The following KCNT2 variants were observed in gnomAD, a reference collection of about 807,000 sequenced individuals.
KCNT2 encodes the protein potassium channel subfamily T member 2.
KCNT2 carries 67 observed loss-of-function variants against 153.8 expected under a neutral mutation model. That is an observed-to-expected ratio of 0.44 (90% CI 0.36 to 0.53). The LOEUF (loss-of-function observed/expected upper bound fraction) is 0.53, where lower values mean the gene tolerates loss of function less well. Ranked by LOEUF, KCNT2 falls within the 20% of genes least tolerant of loss-of-function variation. The pLI is 0.00. For synonymous variants in KCNT2, 500 were observed against 458.8 expected (o/e 1.09, Z -1.15); for missense variants, 975 against 1,354.8 (o/e 0.72, Z 4.40).
At chr1:196,322,652 C>T (rs999334473) in intron 19 of KCNT2, among the ~76,000 whole-genome samples, 1 of 151,828 alleles carries the variant, frequency 6.6e-6, no homozygotes, top group South Asian at 2.1e-4. Context: ...AAAAGGTTTG[C>T]AAATTTGTAT....
At chr1:196,366,100 T>C (rs2148296195) in intron 14 of KCNT2, among the ~76,000 whole-genome samples, 1 of 152,200 alleles carries the variant, frequency 6.6e-6, no homozygotes, top group Admixed American at 6.5e-5. Context: ...TTTACTACCT[T>C]TCTCTTCCTT....
At chr1:196,466,116 A>T (rs973202879) in intron 7 of KCNT2, among the ~76,000 whole-genome samples, 4 of 152,094 alleles carry the variant, frequency 2.6e-5, no homozygotes, top group Non-Finnish European at 4.4e-5. Context: ...TGGAAAATGA[A>T]TCATAAATTA....
chr1:196,250,222 A>G (rs1339140805), intron 26 of KCNT2, among the ~76,000 whole-genome samples: 1 of 152,194 alleles, frequency 6.6e-6, no homozygotes, highest in Non-Finnish European at 1.5e-5. Context: ...TAACTAAAGC[A>G]GCATGGTACT....
chr1:196,508,508 A>C (rs1681344232), intron 1 of KCNT2, among the ~76,000 whole-genome samples: 1 of 152,314 alleles, frequency 6.6e-6, no homozygotes, highest in South Asian at 2.1e-4. Flanking sequence ...GAAGTCTTAA[A>C]GAAAGTGAAA....
At chr1:196,433,111 A>G (rs1014335614) in intron 8 of KCNT2, among the ~76,000 whole-genome samples, 2 of 152,082 alleles carry the variant, frequency 1.3e-5, no homozygotes, top group African/African-American at 4.8e-5. Context: ...AGGATGCAAT[A>G]GTAAAGCCCC....
chr1:196,490,289 T>A (rs1160891171), intron 2 of KCNT2, among the ~76,000 whole-genome samples: 1 of 151,638 alleles, frequency 6.6e-6, no homozygotes, highest in Non-Finnish European at 1.5e-5. Flanking sequence ...AATTTTGGGA[T>A]AAACTTTGGC....
intron 20 of KCNT2, among the ~76,000 whole-genome samples, chr1:196,316,898 A>T (rs557241882): frequency 2.0e-5 from 3 of 151,940 alleles, no homozygotes; most frequent in Admixed American, 2.0e-4. Context: ...AACTTGAATG[A>T]GTACAAGAAT....
intron 1 of KCNT2, among the ~76,000 whole-genome samples, chr1:196,601,862 C>A (rs1441146212): frequency 1.3e-5 from 2 of 151,976 alleles, no homozygotes; most frequent in Non-Finnish European, 2.9e-5. Context: ...CATATCCATC[C>A]TAATTTCAAA....
chr1:196,506,139 G>C (rs923261247), intron 1 of KCNT2, among the ~76,000 whole-genome samples: 8 of 152,084 alleles, frequency 5.3e-5, no homozygotes, highest in Admixed American at 1.3e-4. Flanking sequence ...TTATTCTGTA[G>C]TATAGTGTAA....
intron 1 of KCNT2, among the ~76,000 whole-genome samples, chr1:196,566,710 A>C (rs1217679402): frequency 1.3e-5 from 2 of 152,132 alleles, no homozygotes; most frequent in African/African-American, 4.8e-5. Context: ...AAAGTTATTT[A>C]AAGGACATTG....
intron 13 of KCNT2, among the ~76,000 whole-genome samples, chr1:196,386,372 A>G (rs1669986421): frequency 6.6e-6 from 1 of 152,264 alleles, no homozygotes; most frequent in African/African-American, 2.4e-5. Context: ...TTATGCAGCA[A>G]TATGTAACTA....
At chr1:196,303,220 GC>G (rs906911443) in intron 22 of KCNT2, among the ~76,000 whole-genome samples, 4 of 152,124 alleles carry the variant, frequency 2.6e-5, no homozygotes, top group African/African-American at 9.7e-5. Context: ...TTTCTTGTGG[GC>G]CTTGGGGTAT....
chr1:196,288,863 C>A (rs934564017), intron 22 of KCNT2, among the ~76,000 whole-genome samples: 13 of 152,138 alleles, frequency 8.5e-5, no homozygotes, highest in African/African-American at 2.9e-4. Flanking sequence ...ACAGGCAATA[C>A]AACATACAAT....
intron 14 of KCNT2, among the ~76,000 whole-genome samples, chr1:196,343,521 A>G (rs1232505521): frequency 6.6e-6 from 1 of 152,210 alleles, no homozygotes; most frequent in Non-Finnish European, 1.5e-5. Flanking sequence ...AAGACATTAC[A>G]ACCATGTTTA....
At chr1:196,356,755 C>A (rs1463258505) in intron 14 of KCNT2, among the ~76,000 whole-genome samples, 2 of 151,650 alleles carry the variant, frequency 1.3e-5, no homozygotes, top group African/African-American at 2.4e-5. Context: ...GTCTACAGAG[C>A]AAATTTAGTA....
intron 1 of KCNT2, among the ~76,000 whole-genome samples, chr1:196,576,601 T>C (rs1274406751): frequency 6.6e-6 from 1 of 152,152 alleles, no homozygotes; most frequent in Non-Finnish European, 1.5e-5. Context: ...TTCATAATTA[T>C]AAAGTAAATG....
intron 3 of KCNT2, among the ~76,000 whole-genome samples, chr1:196,488,291 C>T (rs982324956): frequency 4.6e-5 from 7 of 151,998 alleles, no homozygotes; most frequent in Admixed American, 6.6e-5. Flanking sequence ...CCCATAAAGG[C>T]GACTTCTGTT....
intron 25 of KCNT2, among the ~76,000 whole-genome samples, chr1:196,270,898 ATCAC>A (rs1266020090): frequency 1.3e-5 from 2 of 151,816 alleles, no homozygotes; most frequent in African/African-American, 4.8e-5. Context: ...CAGAGGGGCT[ATCAC>A]TCAATCACCT....
At chr1:196,414,446 G>A (rs1399727773) in intron 12 of KCNT2, among the ~76,000 whole-genome samples, 3 of 151,712 alleles carry the variant, frequency 2.0e-5, no homozygotes, top group Non-Finnish European at 4.4e-5. Flanking sequence ...TTGGAATTGA[G>A]GCTATGGGAA....
Sources: allele counts gnomAD v4.1 joint callset (sites outside exome capture counted in the v4.1 genomes callset), GRCh38; gene constraint gnomAD v4.1.1; transcripts MANE v1.5; gene names NCBI Gene and HGNC (gene_info 2026-07-23, HGNC 2026-07-21).